Variants in NRF1 observed in about 807,000 individuals in gnomAD.
The protein encoded by NRF1 is alpha palindromic-binding protein.
Under a neutral mutation model 58.5 loss-of-function variants are expected in NRF1, and 5 were observed. The ratio of observed to expected loss-of-function variants is 0.09; its 90% CI spans 0.04 to 0.18. The LOEUF (loss-of-function observed/expected upper bound fraction) is 0.18. Among genes scored for constraint, NRF1 ranks in the 10% least tolerant of loss-of-function variants. The pLI is 1.00. For missense variants in NRF1, 288 were observed against 657.7 expected (o/e 0.44, Z 6.15); for synonymous variants, 224 against 246.7 (o/e 0.91, Z 0.86).
intron 5 of NRF1, among the ~76,000 whole-genome samples, chr7:129,707,130 A>C (rs1216419453): frequency 6.6e-6 from 1 of 152,112 alleles, no homozygotes; most frequent in African/African-American, 2.4e-5. Context: ...AGTAGCTGGG[A>C]CTACAGGCAC....
chr7:129,703,046 GAT>G (rs1802869445), intron 5 of NRF1, among the ~76,000 whole-genome samples: 1 of 152,096 alleles, frequency 6.6e-6, no homozygotes, highest in Admixed American at 6.5e-5. Context: ...TTTTTAATTG[GAT>G]AAGACGTTTT....
chr7:129,718,422 A>G (rs1315202079), intron 9 of NRF1, among the ~76,000 whole-genome samples: 1 of 152,194 alleles, frequency 6.6e-6, no homozygotes, highest in East Asian at 1.9e-4. Flanking sequence ...TCCATGTGAA[A>G]TCCTTAGGTC....
At chr7:129,747,761 A>G (rs1437266409) in intron 10 of NRF1, among the ~76,000 whole-genome samples, 2 of 152,192 alleles carry the variant, frequency 1.3e-5, no homozygotes, top group Non-Finnish European at 2.9e-5. Flanking sequence ...TTTCTCACAT[A>G]AAATGCACCT....
chr7:129,659,587 A>G (rs1801736961), intron 2 of NRF1, among the ~76,000 whole-genome samples: 1 of 152,158 alleles, frequency 6.6e-6, no homozygotes, highest in Non-Finnish European at 1.5e-5. Context: ...ATGGAATTCT[A>G]GCTTGGTGGT....
At chr7:129,671,400 TA>T in intron 2 of NRF1, 28 bp from the exon 3 acceptor site, 1 of 1,446,924 alleles carries the variant, frequency 6.9e-7, no homozygotes, top group Non-Finnish European at 9.7e-7. Context: ...GGCAGCTGCC[TA>T]ATCTCAGCAC....
At chr7:129,651,459 G>A (rs1801534133) in intron 1 of NRF1, among the ~76,000 whole-genome samples, 1 of 151,800 alleles carries the variant, frequency 6.6e-6, no homozygotes, top group African/African-American at 2.4e-5. Context: ...CAAAGAATGG[G>A]AGAGGGAGAG....
Position 129,709,223 on chromosome 7 carries a change from A to G in NRF1, c.755A>G (p.Gln252Arg), listed in dbSNP as rs1206020928. Reference sequence around the variant, plus strand: ...CGGAGTGATGTCCGCACAGAAGAGCAAAAGCAGAGGGTGAGAGTTCCTCTG... The same window carrying G: ...CGGAGTGATGTCCGCACAGAAGAGCGAAAGCAGAGGGTGAGAGTTCCTCTG... ...NVRSDVRTEE[Q>R]KQRVSWTQAL... Residue 252 changes from glutamine (Q) to arginine (R), a missense_variant, in exon 6 of 11, where the codon CAA (glutamine) becomes CGA (arginine). Transcript: ENST00000393232. The G allele has an allele frequency of 1.3e-6, 2 of 1,494,624 alleles. No homozygotes were observed. Among genetic ancestry groups the G allele is most frequent in the Non-Finnish European group, 1.8e-6 (2 of 1,114,066 alleles). The allele number at this position is 1,494,624 out of a possible 1,614,324, so 92.6% of individuals were successfully genotyped here. A position where few individuals can be genotyped will look rare whatever the true frequency, so the allele number is the denominator to read the frequency against.
At chr7:129,626,539 T>C (rs1283015680) in intron 1 of NRF1, among the ~76,000 whole-genome samples, 2 of 152,240 alleles carry the variant, frequency 1.3e-5, no homozygotes, top group African/African-American at 2.4e-5. Context: ...CTCTAACATA[T>C]TACATTGTGT....
intron 8 of NRF1, among the ~76,000 whole-genome samples, chr7:129,715,859 C>G (rs1803174680): frequency 6.6e-6 from 1 of 152,030 alleles, no homozygotes; most frequent in Non-Finnish European, 1.5e-5. Flanking sequence ...ACAAAATTAG[C>G]TGGGTGTGGT....
intron 9 of NRF1, among the ~76,000 whole-genome samples, chr7:129,726,721 T>A (rs935583110): frequency 9.2e-5 from 14 of 152,190 alleles, no homozygotes; most frequent in African/African-American, 3.1e-4. Context: ...TAAATCAAAT[T>A]AATATTTAGT....
intron 4 of NRF1, among the ~76,000 whole-genome samples, chr7:129,679,662 G>A (rs1333055673): frequency 2.6e-5 from 4 of 151,974 alleles, no homozygotes; most frequent in African/African-American, 9.7e-5. Context: ...GGCAGAGGTT[G>A]CAGTGAGCCA....
At chr7:129,719,735 C>G (rs1350889594) in intron 9 of NRF1, among the ~76,000 whole-genome samples, 1 of 152,146 alleles carries the variant, frequency 6.6e-6, no homozygotes, top group Non-Finnish European at 1.5e-5. Flanking sequence ...CTACCCCTCT[C>G]TTTGAGAGAA....
At chr7:129,683,290 T>A (rs200225043) in intron 4 of NRF1, among the ~76,000 whole-genome samples, 227 of 97,086 alleles carry the variant, frequency 2.3e-3, no homozygotes, top group East Asian at 0.015. Flanking sequence ...ATGTGGAGAG[T>A]GTGTGTGTGT....
intron 5 of NRF1, among the ~76,000 whole-genome samples, 193 bp downstream of exon 5, chr7:129,690,739 A>G (rs1199502416): frequency 1.3e-5 from 2 of 152,106 alleles, no homozygotes; most frequent in African/African-American, 4.8e-5. Context: ...AACCAAGGGC[A>G]TGGCTGTGGT....
intron 10 of NRF1, among the ~76,000 whole-genome samples, chr7:129,731,271 G>T: frequency 8.1e-6 from 1 of 122,890 alleles, no homozygotes; most frequent in African/African-American, 3.2e-5. Flanking sequence ...ACTCCGTCTT[G>T]AAAAAAAAAA....
intron 1 of NRF1, among the ~76,000 whole-genome samples, chr7:129,613,523 C>G (rs916430080): frequency 6.6e-6 from 1 of 151,544 alleles, no homozygotes; most frequent in Non-Finnish European, 1.5e-5. Context: ...TTTTTTGTGT[C>G]AAGGGGTTTT....
intron 9 of NRF1, among the ~76,000 whole-genome samples, chr7:129,722,223 C>G (rs1417583848): frequency 6.6e-6 from 1 of 151,872 alleles, no homozygotes; most frequent in Non-Finnish European, 1.5e-5. Context: ...GAAACCCCGT[C>G]TCTACTAAAA....
intron 10 of NRF1, among the ~76,000 whole-genome samples, chr7:129,745,210 C>G (rs1169290057): frequency 1.3e-5 from 2 of 152,082 alleles, no homozygotes; most frequent in Non-Finnish European, 2.9e-5. Flanking sequence ...ATGATCTATC[C>G]TCTGGGACAC....
At chr7:129,747,143 G>T (rs562964172) in intron 10 of NRF1, among the ~76,000 whole-genome samples, 1 of 152,146 alleles carries the variant, frequency 6.6e-6, no homozygotes, top group East Asian at 1.9e-4. Flanking sequence ...CTTCAGAAAT[G>T]TATCAGGGTG....
Sources: gnomAD v4.1 joint callset for allele counts (sites outside exome capture counted in the v4.1 genomes callset) on GRCh38, gnomAD v4.1.1 for gene constraint, MANE v1.5 for transcripts, NCBI Gene and HGNC (gene_info 2026-07-23, HGNC 2026-07-21) for gene names.